The following ZNF454 variants were observed in gnomAD, a reference collection of about 807,000 sequenced individuals.
ZNF454 encodes the protein zinc finger protein 454.
A neutral mutation model predicts 48.2 loss-of-function variants in ZNF454; 30 were observed. That is an observed-to-expected ratio of 0.62 (90% CI 0.47 to 0.84). The LOEUF (loss-of-function observed/expected upper bound fraction) is 0.84, where lower values mean the gene tolerates loss of function less well. Ranked by LOEUF, ZNF454 falls within the 40% of genes least tolerant of loss-of-function variation. The probability of loss-of-function intolerance (pLI) is 0.00; values close to 1 mark genes in which losing one functional copy is unlikely to be tolerated. For synonymous variants in ZNF454, 204 were observed against 211.4 expected, an observed-to-expected ratio of 0.97 and a Z score of 0.30; for missense variants, 510 against 623.1, an observed-to-expected ratio of 0.82 and a Z score of 1.93.
the ZNF454 span, chr5:178,982,695 A>AAG: frequency 2.8e-6 from 1 of 361,276 alleles, no homozygotes; most frequent in African/African-American, 2.2e-5. Flanking sequence ...AAAATGATAA[A>AAG]AAAAAAAAAG....
downstream of ZNF454, among the ~76,000 whole-genome samples, chr5:178,969,930 G>A (rs750404112): frequency 6.6e-6 from 1 of 152,166 alleles, no homozygotes; most frequent in Non-Finnish European, 1.5e-5. Flanking sequence ...CCTGCCGGGT[G>A]CCCCTCATCT....
In ZNF454 at chr5:178,951,001, C is replaced by T. The variant is rs999268546; in HGVS notation, c.250+4015C>T. On this transcript the variant is annotated intron_variant, in intron 4 of 4. Transcript: ENST00000519564. ...CAGCCTCCAGAAGAGCTGGGACTAC[C>T]GGTGCCTGCCACCACGCCCGGCTAA... is the stretch of plus-strand genomic sequence containing the variant. Among the ~76,000 whole-genome samples the T allele has an allele frequency of 5.3e-5, 8 of 151,760 alleles. No individual in the cohort carries two copies. The South Asian group carries it at 6.3e-4, about 12-fold the overall frequency.
At chr5:178,981,611 A>G in the ZNF454 span, 7 of 1,441,706 alleles carry the variant, frequency 4.9e-6, no homozygotes, top group South Asian at 8.0e-5. The surrounding 1 kb of genome is among the most constrained non-coding windows in gnomAD (Gnocchi z 5.1). Flanking sequence ...TCGAGGCAAG[A>G]GGAAGAAAGG....
At chr5:178,957,831 G>A (rs6867653) in intron 4 of ZNF454, among the ~76,000 whole-genome samples, 16,014 of 152,088 alleles carry the variant, frequency 0.11, 1,316 homozygotes, top group African/African-American at 0.23. Context: ...TGGTCAAACC[G>A]GGATGCATTT....
chr5:178,972,074 C>T, the ZNF454 span, among the ~76,000 whole-genome samples: 2 of 151,950 alleles, frequency 1.3e-5, no homozygotes, highest in Admixed American at 6.6e-5. Context: ...GTTGGGATTA[C>T]AGGCATGCAC....
At chr5:178,949,177 A>G (rs1161993085) in intron 4 of ZNF454, among the ~76,000 whole-genome samples, 1 of 151,946 alleles carries the variant, frequency 6.6e-6, no homozygotes, top group Non-Finnish European at 1.5e-5. Context: ...CTGCCTCCCA[A>G]GTAGCTGGGA....
chr5:178,985,566 G>A, the ZNF454 span: 760 of 339,440 alleles, frequency 2.2e-3, 10 homozygotes, highest in South Asian at 0.012. Context: ...AGCCGGGCGT[G>A]GTGGCGGGCG....
intron 4 of ZNF454, among the ~76,000 whole-genome samples, chr5:178,952,505 C>T (rs1759599257): frequency 6.6e-6 from 1 of 152,152 alleles, no homozygotes; most frequent in Non-Finnish European, 1.5e-5. Flanking sequence ...TTATCTTCTC[C>T]AGTCTATAGC....
Position 178,941,390 on chromosome 5 carries a change from C to T in ZNF454, c.-162C>T. 1 of 456,550 alleles carries T rather than the reference C, an allele frequency of 2.2e-6. No homozygotes were observed. The highest frequency in any genetic ancestry group is 4.4e-6 in the Non-Finnish European group (1 of 226,892). 28.3% of individuals were successfully genotyped at this position (456,550 alleles called of 1,614,324 possible). On this transcript the variant is annotated 5_prime_UTR_variant, in exon 1 of 5. Transcript: ENST00000519564. This position sits in a 1 kb window ranked among gnomAD's most constrained non-coding sequence, Gnocchi z 5.5. The stretch of plus-strand genomic sequence containing the variant: ...GGGCGGAGGCAAAGCCGAGGAGGTG[C>T]GGGTTGTGGTCCATTCTGGAGGACG...
chr5:178,982,669 A>C, the ZNF454 span: 1 of 465,766 alleles, frequency 2.1e-6, no homozygotes, highest in East Asian at 3.5e-5. Flanking sequence ...GTGAGGCAAT[A>C]TCTCTCAAAG....
At chr5:178,956,666 TTTTATTTAATTTA>T (rs1209750221) in intron 4 of ZNF454, among the ~76,000 whole-genome samples, 7 of 67,276 alleles carry the variant, frequency 1.0e-4, no homozygotes, top group Non-Finnish European at 1.5e-4. Flanking sequence ...CTTTATTTTA[TTTTATTTAATTTA>T]TTTATTTATT....
Position 178,965,541 on chromosome 5 carries a change from T to C in ZNF454, c.1137T>C (p.Thr379=), listed in dbSNP as rs1200767151. The C allele has an allele frequency of 7.4e-6, 12 of 1,614,030 alleles. No homozygotes were observed. In the South Asian group the frequency reaches 1.1e-4, roughly 15 times the overall value. Residue 379 remains threonine, a synonymous_variant, in exon 5 of 5, where the codon ACT becomes ACC. Transcript: ENST00000519564. The surrounding 1 kb of genome is among the most constrained non-coding windows in gnomAD (Gnocchi z 5.2). The part of the protein sequence containing the change: ...SSLTEHQRIH[T]GEKPYKCNEC... Reference sequence around the variant, plus strand: ...TTACTGAACATCAGAGAATTCATACTGGAGAGAAACCTTATAAATGTAATG... The same window carrying C: ...TTACTGAACATCAGAGAATTCATACCGGAGAGAAACCTTATAAATGTAATG...
Position 178,965,509 on chromosome 5 carries a change from T to A in ZNF454, c.1105T>A (p.Ser369Thr). 6.2e-7 allele frequency: 1 copy of A among 1,613,920 alleles called. No homozygotes were observed. The highest frequency in any genetic ancestry group is 8.5e-7 in the Non-Finnish European group (1 of 1,179,966). The stretch of plus-strand genomic sequence containing the variant: ...ATGTGGGAAGGCCTTCAGGGTGAAC[T>A]CTTCCCTTACTGAACATCAGAGAAT... The part of the protein sequence containing the change: ...NECGKAFRVN[S>T]SLTEHQRIHT... The change falls in exon 5 of 5, where the codon TCT becomes ACT. Residue 369 changes from serine to threonine, a missense_variant. This residue lies in a region of ZNF454 where 153 missense variants were observed against 195.8 expected (regional missense o/e 0.78). Transcript: ENST00000519564. The surrounding 1 kb of genome is among the most constrained non-coding windows in gnomAD (Gnocchi z 5.2).
At chr5:178,988,059 C>T in the ZNF454 span, among the ~76,000 whole-genome samples, 11 of 152,128 alleles carry the variant, frequency 7.2e-5, no homozygotes, top group Admixed American at 1.3e-4. The surrounding 1 kb of genome is among the most constrained non-coding windows in gnomAD (Gnocchi z 6.0). Context: ...TGCGCCCAGA[C>T]TGAATGTATT....
downstream of ZNF454, among the ~76,000 whole-genome samples, chr5:178,971,071 C>T (rs1253400930): frequency 6.6e-6 from 1 of 152,236 alleles, no homozygotes; most frequent in East Asian, 1.9e-4. Context: ...TTCATTTAAT[C>T]CTCACAATTG....
At chr5:178,989,126 C>T in the ZNF454 span, 12 of 1,613,768 alleles carry the variant, frequency 7.4e-6, no homozygotes, top group Admixed American at 1.7e-5. Context: ...CCGGCCGATG[C>T]GTTCCTCGCC....
chr5:178,977,456 A>G, the ZNF454 span: 1 of 455,952 alleles, frequency 2.2e-6, no homozygotes, highest in South Asian at 1.6e-5. Flanking sequence ...ACTATGAGAA[A>G]TGTCTGTTTT....
the ZNF454 span, chr5:178,985,786 G>A: frequency 2.0e-6 from 1 of 506,286 alleles, no homozygotes; most frequent in Non-Finnish European, 3.8e-6. Context: ...TTTTGAGACA[G>A]GGTCTTACTC....
At chr5:178,957,859 A>C (rs1210888801) in intron 4 of ZNF454, among the ~76,000 whole-genome samples, 5 of 152,050 alleles carry the variant, frequency 3.3e-5, no homozygotes, top group Non-Finnish European at 7.3e-5. Flanking sequence ...CTCTTGGTAA[A>C]CTCTATTTGA....
Sources: allele counts gnomAD v4.1 joint callset (sites outside exome capture counted in the v4.1 genomes callset), GRCh38; gene constraint gnomAD v4.1.1; regional missense constraint gnomAD v4.1.1; non-coding constraint Gnocchi (gnomAD v3.1); transcripts MANE v1.5; gene names NCBI Gene and HGNC (gene_info 2026-07-23, HGNC 2026-07-21).